THEMIS: variants seen among roughly 807,000 people sequenced by gnomAD.
THEMIS encodes the protein protein THEMIS.
In THEMIS, 37 loss-of-function variants were observed where a neutral mutation model predicts 52.6. The ratio of observed to expected loss-of-function variants is 0.70; its 90% CI spans 0.54 to 0.93. The LOEUF is 0.93. Among genes scored for constraint, THEMIS ranks in the 40% least tolerant of loss-of-function variants. The probability of loss-of-function intolerance (pLI) is 0.00; values close to 1 mark genes in which losing one functional copy is unlikely to be tolerated. For synonymous variants in THEMIS, 292 were observed against 272.7 expected (o/e 1.07, Z -0.70); for missense variants, 808 against 763.1 (o/e 1.06, Z -0.69).
rs564187294 is a variant in THEMIS, at chr6:127,836,953, G to C, written c.251-7019C>G. Among the ~76,000 whole-genome samples the C allele has an allele frequency of 2.6e-5, 4 of 152,222 alleles. No individual in the cohort carries two copies. The East Asian group carries it at 7.7e-4, about 29-fold the overall frequency. On this transcript the variant is annotated intron_variant, in intron 2 of 5. Coordinates refer to ENST00000368248, the MANE Select transcript of THEMIS (RefSeq NM_001010923.3). Reference sequence around the variant, plus strand: ...TCGTGCAAGTAACTCCTATGGAACTGCCTCAAAACTATTCAGAGATTGACC... The same window carrying C: ...TCGTGCAAGTAACTCCTATGGAACTCCCTCAAAACTATTCAGAGATTGACC...
chr6:127,733,635 A>G (rs1203332526), intron 4 of THEMIS, among the ~76,000 whole-genome samples: 3 of 152,214 alleles, frequency 2.0e-5, no homozygotes, highest in African/African-American at 2.4e-5. Context: ...AGAAACAACC[A>G]GACTTCAGGT....
At chr6:127,818,630 C>T (rs756160573) in intron 3 of THEMIS, among the ~76,000 whole-genome samples, 4 of 149,832 alleles carry the variant, frequency 2.7e-5, no homozygotes, top group Non-Finnish European at 5.9e-5. Flanking sequence ...AAAAAGCACA[C>T]TCTGAAGAGA....
upstream of THEMIS, among the ~76,000 whole-genome samples, chr6:127,903,013 G>A (rs543994428): frequency 9.9e-5 from 15 of 152,044 alleles, no homozygotes; most frequent in East Asian, 5.8e-4. Context: ...CTGCTCTCGC[G>A]ACAGATGACG....
rs1296300451 is a variant in THEMIS at position 127,829,794 on chromosome 6, T to C, written c.391A>G (p.Lys131Glu). The C allele has an allele frequency of 6.2e-7, 1 of 1,614,140 alleles. No homozygotes were observed. The highest frequency in any genetic ancestry group is 2.2e-5 in the East Asian group (1 of 44,856). ...TTGAGCATGATTTGCTCACCCTGCT[T>C]TATGATGAGGTTCTCTAGTTTTATA... ...KDIKLENLII[K>E]QGEQIMLNSV... The change falls in exon 3 of 6, where the codon AAG (lysine) becomes GAG (glutamate). Residue 131 changes from lysine (K) to glutamate (E), a missense_variant. By Grantham distance (56) the Lys-to-Glu change is moderately conservative. Transcript: ENST00000368248.
intron 4 of THEMIS, among the ~76,000 whole-genome samples, chr6:127,810,839 C>T (rs780357192): frequency 6.0e-5 from 9 of 150,022 alleles, no homozygotes; most frequent in African/African-American, 1.5e-4. Flanking sequence ...AAAAATGAGA[C>T]GTGAGATGCA....
intron 4 of THEMIS, among the ~76,000 whole-genome samples, chr6:127,768,812 T>C (rs961977703): frequency 2.0e-5 from 3 of 152,198 alleles, no homozygotes; most frequent in African/African-American, 7.2e-5. Flanking sequence ...TATGCAAAAG[T>C]ATCACCTTTT....
chr6:127,703,260 G>C (rs1249352399), downstream of THEMIS, among the ~76,000 whole-genome samples: 5 of 151,794 alleles, frequency 3.3e-5, no homozygotes, highest in Non-Finnish European at 7.4e-5. Flanking sequence ...TTTTAGCCGG[G>C]ATGGTCTCGA....
At chr6:127,890,746 C>T (rs1018535073) in intron 1 of THEMIS, among the ~76,000 whole-genome samples, 41 of 151,866 alleles carry the variant, frequency 2.7e-4, no homozygotes, top group African/African-American at 9.7e-4. Flanking sequence ...CTAGTTGTTA[C>T]AATAGAATTA....
At chr6:127,900,096 T>C (rs1435557536) in intron 1 of THEMIS, among the ~76,000 whole-genome samples, 1 of 151,788 alleles carries the variant, frequency 6.6e-6, no homozygotes, top group Non-Finnish European at 1.5e-5. Context: ...TCTACCACTC[T>C]TGAGGCCAGA....
At chr6:127,798,377 A>G (rs1777403544) in intron 4 of THEMIS, among the ~76,000 whole-genome samples, 1 of 152,076 alleles carries the variant, frequency 6.6e-6, no homozygotes, top group African/African-American at 2.4e-5. Context: ...ATTATACTTT[A>G]AGTTTTAGGG....
chr6:127,908,973 C>G (rs1781345342), intron 1 of THEMIS, among the ~76,000 whole-genome samples: 1 of 151,782 alleles, frequency 6.6e-6, no homozygotes. Flanking sequence ...AAATTAAGCA[C>G]TGATAAGTTG....
intron 4 of THEMIS, among the ~76,000 whole-genome samples, chr6:127,796,788 A>G (rs913334673): frequency 1.3e-5 from 2 of 152,216 alleles, no homozygotes; most frequent in African/African-American, 4.8e-5. Context: ...ACACATATAC[A>G]TGCATACTCA....
upstream of THEMIS, chr6:127,901,189 A>C (rs1781125401): frequency 1.9e-6 from 1 of 534,424 alleles, no homozygotes; most frequent in Non-Finnish European, 3.4e-6. Context: ...TTGAAGTTGA[A>C]CAGGATGGGG....
intron 1 of THEMIS, among the ~76,000 whole-genome samples, chr6:127,859,514 T>C (rs1469657611): frequency 3.3e-5 from 5 of 152,116 alleles, no homozygotes; most frequent in Admixed American, 3.3e-4. Context: ...TATTAGATGA[T>C]TAGTGAATGT....
intron 5 of THEMIS, among the ~76,000 whole-genome samples, chr6:127,714,306 T>C (rs1378082320): frequency 6.6e-6 from 1 of 152,066 alleles, no homozygotes; most frequent in Non-Finnish European, 1.5e-5. Flanking sequence ...AAAGCAGTCA[T>C]AGACAATGTT....
chr6:127,835,928 C>T (rs998576845), intron 2 of THEMIS, among the ~76,000 whole-genome samples: 4 of 151,954 alleles, frequency 2.6e-5, no homozygotes, highest in African/African-American at 9.7e-5. Flanking sequence ...AATTTTATGC[C>T]CATAATGAGC....
At chr6:127,726,902 A>T (rs542524208) in intron 4 of THEMIS, among the ~76,000 whole-genome samples, 2 of 152,338 alleles carry the variant, frequency 1.3e-5, no homozygotes, top group East Asian at 3.9e-4. Context: ...GGCTTAGCAA[A>T]CACTTCTTAC....
chr6:127,709,815 T>G lies in THEMIS; in HGVS notation c.*170A>C. 1.7e-6 allele frequency: 1 copy of G among 595,162 alleles called. No homozygotes were observed. Among genetic ancestry groups the G allele is most frequent in the Middle Eastern group, 2.6e-4 (1 of 3,842 alleles). The allele number at this position is 595,162 out of a possible 1,614,324, so 36.9% of individuals were successfully genotyped here. On this transcript the variant is annotated 3_prime_UTR_variant, in exon 6 of 6. Coordinates refer to ENST00000368248, the MANE Select transcript of THEMIS (RefSeq NM_001010923.3). ...CTATATGAATTCTATATCATAGGTTTCTGTAAGTTTTATCTGTTAAAAGTT... is the reference window on the plus strand; with the variant it reads ...CTATATGAATTCTATATCATAGGTTGCTGTAAGTTTTATCTGTTAAAAGTT...
At chr6:127,832,418 A>G (rs1778726062) in intron 2 of THEMIS, among the ~76,000 whole-genome samples, 1 of 152,202 alleles carries the variant, frequency 6.6e-6, no homozygotes, top group African/African-American at 2.4e-5. Flanking sequence ...CAGCCAATCC[A>G]AATCATTCCT....
Sources: gnomAD v4.1 joint callset for allele counts (sites outside exome capture counted in the v4.1 genomes callset) on GRCh38, gnomAD v4.1.1 for gene constraint, MANE v1.5 for transcripts, NCBI Gene and HGNC (gene_info 2026-07-23, HGNC 2026-07-21) for gene names.